The following KIAA1217 variants were observed in gnomAD, a reference collection of about 807,000 sequenced individuals.
The protein encoded by KIAA1217 is KIAA1217.
In KIAA1217, 88 loss-of-function variants were observed where a neutral mutation model predicts 163.9. The ratio of observed to expected loss-of-function variants is 0.54; its 90% CI spans 0.45 to 0.64. The LOEUF is 0.64. KIAA1217 is among the 30% of genes least tolerant of loss of function. KIAA1217 has a pLI of 0.00. For synonymous variants in KIAA1217, 903 were observed against 923.1 expected (o/e 0.98, Z 0.39); for missense variants, 2,372 against 2,475.0 (o/e 0.96, Z 0.88).
rs180948579 is a variant in KIAA1217, at chr10:24,291,154, A to G, written c.354+71245A>G. Among the ~76,000 whole-genome samples the G allele has an allele frequency of 2.8e-3, 433 of 152,346 alleles. 5 individuals are homozygous for G. Among genetic ancestry groups the G allele is most frequent in the Admixed American group, 0.024 (361 of 15,308 alleles). On this transcript the variant is annotated intron_variant, in intron 2 of 20. Transcript: ENST00000376454. ...GTCTTGTGGACAACAAAGACCCACG[A>G]TAACTTTTCTTCCCATATAAGCATG...
At chr10:24,385,161 C>T (rs992671669) in intron 3 of KIAA1217, among the ~76,000 whole-genome samples, 1 of 152,226 alleles carries the variant, frequency 6.6e-6, no homozygotes, top group Admixed American at 6.5e-5. Flanking sequence ...ATGGAATCCT[C>T]ACACCACTCC....
intron 1 of KIAA1217, among the ~76,000 whole-genome samples, chr10:23,934,603 A>ATG (rs1843430468): frequency 1.3e-5 from 1 of 77,818 alleles, no homozygotes; most frequent in African/African-American, 1.3e-4. Context: ...ATATATATAT[A>ATG]TATGTATATA....
chr10:23,782,113 A>G (rs917439174), intron 1 of KIAA1217, among the ~76,000 whole-genome samples: 1 of 152,142 alleles, frequency 6.6e-6, no homozygotes, highest in Non-Finnish European at 1.5e-5. Flanking sequence ...TGCCATTGGC[A>G]TTTTGACAGT....
At chr10:24,264,496 G>A (rs1424744637) in intron 2 of KIAA1217, among the ~76,000 whole-genome samples, 2 of 151,968 alleles carry the variant, frequency 1.3e-5, no homozygotes, top group South Asian at 4.2e-4. Context: ...AAAAAAAGAA[G>A]AGGAAAAAGA....
At chr10:23,966,466 C>T (rs997622451) in intron 1 of KIAA1217, among the ~76,000 whole-genome samples, 12 of 152,282 alleles carry the variant, frequency 7.9e-5, no homozygotes, top group Admixed American at 4.6e-4. Flanking sequence ...GTATGACACA[C>T]GTGTGCTCTC....
At chr10:23,823,208 C>G (rs1837708022) in intron 1 of KIAA1217, among the ~76,000 whole-genome samples, 1 of 152,196 alleles carries the variant, frequency 6.6e-6, no homozygotes, top group Admixed American at 6.5e-5. Context: ...AGATCCACTT[C>G]TAAGCACATT....
intron 1 of KIAA1217, among the ~76,000 whole-genome samples, chr10:23,810,512 C>A: frequency 7.4e-6 from 1 of 134,368 alleles, no homozygotes; most frequent in Non-Finnish European, 1.5e-5. Flanking sequence ...TCTATATATA[C>A]TATAGATAAT....
At chr10:23,906,865 T>A (rs974760899) in intron 1 of KIAA1217, among the ~76,000 whole-genome samples, 4 of 152,276 alleles carry the variant, frequency 2.6e-5, no homozygotes, top group African/African-American at 9.6e-5. Context: ...AGTGCCACCA[T>A]GACTGGGTTC....
chr10:23,978,601 G>C (rs907015649), intron 1 of KIAA1217, among the ~76,000 whole-genome samples: 17 of 152,010 alleles, frequency 1.1e-4, no homozygotes, highest in Non-Finnish European at 2.2e-4. Context: ...TAATGGACTG[G>C]TTGTAGAATT....
chr10:24,495,492 G>A (rs1201220622), intron 8 of KIAA1217, among the ~76,000 whole-genome samples: 4 of 152,214 alleles, frequency 2.6e-5, no homozygotes. Flanking sequence ...ATTCAGTGGG[G>A]AAGATGGAAA....
intron 2 of KIAA1217, among the ~76,000 whole-genome samples, chr10:24,350,720 G>A (rs1399909599): frequency 6.6e-6 from 1 of 151,888 alleles, no homozygotes; most frequent in Non-Finnish European, 1.5e-5. Context: ...GAGTCTACAA[G>A]TAAGTCTCGA....
intron 2 of KIAA1217, among the ~76,000 whole-genome samples, chr10:24,246,965 A>G (rs2073873801): frequency 6.6e-6 from 1 of 151,562 alleles, no homozygotes; most frequent in South Asian, 2.1e-4. Context: ...GTGAACGGAG[A>G]TCACACCACT....
intron 1 of KIAA1217, among the ~76,000 whole-genome samples, chr10:23,840,041 C>CT (rs753186233): frequency 6.6e-6 from 1 of 152,092 alleles, no homozygotes; most frequent in Non-Finnish European, 1.5e-5. Context: ...TCTGTGATCC[C>CT]TGGGCAGTGG....
chr10:24,212,523 G>A (rs1456400927), intron 1 of KIAA1217, among the ~76,000 whole-genome samples: 7 of 152,176 alleles, frequency 4.6e-5, no homozygotes, highest in Admixed American at 1.3e-4. Flanking sequence ...AGAGGTCAGG[G>A]AGATTGGAAG....
At chr10:23,844,633 T>C (rs1388798614) in intron 1 of KIAA1217, among the ~76,000 whole-genome samples, 1 of 152,154 alleles carries the variant, frequency 6.6e-6, no homozygotes, top group Non-Finnish European at 1.5e-5. Context: ...TCCTTCCTTG[T>C]CAATATCCTC....
chr10:24,274,012 C>T (rs564096232), intron 2 of KIAA1217, among the ~76,000 whole-genome samples: 9 of 152,090 alleles, frequency 5.9e-5, no homozygotes, highest in South Asian at 4.1e-4. Flanking sequence ...ATAAATTAGA[C>T]GCATACCTCA....
chr10:24,293,954 G>T (rs775606839), intron 2 of KIAA1217, among the ~76,000 whole-genome samples: 4 of 152,162 alleles, frequency 2.6e-5, no homozygotes, highest in Non-Finnish European at 4.4e-5. Context: ...AGCACTTTGG[G>T]AGGCCAAGGC....
intron 1 of KIAA1217, among the ~76,000 whole-genome samples, chr10:23,839,857 C>T (rs373596576): frequency 1.3e-5 from 2 of 152,110 alleles, no homozygotes; most frequent in African/African-American, 4.8e-5. Context: ...AAATCCCCCA[C>T]CCCAATCAGA....
At position 24,335,641 on chromosome 10, in the gene KIAA1217, G is replaced by A. The variant is rs191208437; in HGVS notation, c.355-45228G>A. On this transcript the variant is annotated intron_variant, in intron 2 of 20. Transcript: ENST00000376454. ...ATTTATTTATTGGAGATGGAGTCTC[G>A]TTCTGTCGCCCAGGCTGGAGTGCAG... Among the ~76,000 whole-genome samples, 150 of 139,822 alleles carry A rather than the reference G, an allele frequency of 1.1e-3. 2 individuals carry two copies. The highest frequency in any genetic ancestry group is 7.5e-3 in the Middle Eastern group (2 of 268). The allele number at this position is 139,822 out of a possible 152,430, so 91.7% of individuals were successfully genotyped here.
Sources: allele counts gnomAD v4.1 joint callset (sites outside exome capture counted in the v4.1 genomes callset), GRCh38; gene constraint gnomAD v4.1.1; transcripts MANE v1.5; gene names NCBI Gene and HGNC (gene_info 2026-07-23, HGNC 2026-07-21).